Variants in C3orf49 observed in about 807,000 individuals in gnomAD.
C3orf49 encodes the protein putative uncharacterized protein C3orf49.
Under a neutral mutation model 13.3 loss-of-function variants are expected in C3orf49, and 27 were observed. That is an observed-to-expected ratio of 2.02 (90% CI 1.49 to 2.79). C3orf49 has a LOEUF of 2.79. C3orf49 is among the 30% of genes most tolerant of loss of function. C3orf49 has a pLI of 0.00. For missense variants in C3orf49, 242 were observed against 134.2 expected, an observed-to-expected ratio of 1.80 and a Z score of -3.97; for synonymous variants, 87 against 47.6, an observed-to-expected ratio of 1.83 and a Z score of -3.40.
the C3orf49 span, among the ~76,000 whole-genome samples, chr3:63,796,101 T>C: frequency 1.3e-5 from 2 of 152,178 alleles, no homozygotes; most frequent in Non-Finnish European, 2.9e-5. Flanking sequence ...GTGTTCACTC[T>C]TTCAATTTTT....
the C3orf49 span, among the ~76,000 whole-genome samples, chr3:63,807,127 A>G: frequency 1.3e-5 from 2 of 151,652 alleles, no homozygotes; most frequent in African/African-American, 2.4e-5. Context: ...AATTTTTTGT[A>G]TTTTTAGTAG....
intron 5 of C3orf49, chr3:63,838,600 T>A (rs1701685608): frequency 8.6e-7 from 1 of 1,164,178 alleles, no homozygotes; most frequent in African/African-American, 1.6e-5. Flanking sequence ...TTATAGCAAG[T>A]TCTGAGAGAA....
chr3:63,812,368 T>G, the C3orf49 span, among the ~76,000 whole-genome samples: 1 of 152,246 alleles, frequency 6.6e-6, no homozygotes, highest in Admixed American at 6.5e-5. Context: ...AAAGCCATCC[T>G]GGGTCACCTG....
At chr3:63,802,134 C>A in the C3orf49 span, among the ~76,000 whole-genome samples, 4,441 of 152,194 alleles carry the variant, frequency 0.029, 135 homozygotes, top group African/African-American at 0.072. Context: ...AATGACAGGT[C>A]GCAATTTGAA....
rs1414541651 is a variant in C3orf49 at position 63,831,755 on chromosome 3, TGTGA to T, written c.763_766del (p.Glu255PhefsTer21). The T allele has an allele frequency of 1.4e-6, 1 of 702,902 alleles. No individual in the cohort carries two copies. Among genetic ancestry groups the T allele is most frequent in the African/African-American group, 1.7e-5 (1 of 57,240 alleles). The allele number at this position is 702,902 out of a possible 1,614,324, so 43.5% of individuals were successfully genotyped here. A position where few individuals can be genotyped will look rare whatever the true frequency, so the allele number is the denominator to read the frequency against. On this transcript the variant is annotated frameshift_variant, in exon 5 of 7. Transcript: ENST00000295896. LOFTEE classifies it high-confidence loss of function. ...CCAAAGACATGCTGAGCTTCAACAGTGTGAGTTTCTGGGGGATGAAATTCTTCAG... is the reference window on the plus strand; with the variant it reads ...CCAAAGACATGCTGAGCTTCAACAGTGTTTCTGGGGGATGAAATTCTTCAG...
chr3:63,786,403 CACA>C, the C3orf49 span, among the ~76,000 whole-genome samples: 1 of 152,088 alleles, frequency 6.6e-6, no homozygotes, highest in Non-Finnish European at 1.5e-5. Flanking sequence ...GAACATTTCT[CACA>C]ACACTTCCCC....
intron 5 of C3orf49, among the ~76,000 whole-genome samples, chr3:63,844,648 C>T (rs1383333802): frequency 1.3e-5 from 2 of 152,124 alleles, no homozygotes; most frequent in Non-Finnish European, 2.9e-5. Flanking sequence ...GGTTAGTAAT[C>T]TCGGAGTGAG....
upstream of C3orf49, among the ~76,000 whole-genome samples, chr3:63,815,750 T>A (rs1374160805): frequency 1.3e-5 from 2 of 151,584 alleles, no homozygotes; most frequent in African/African-American, 4.9e-5. Context: ...TATTTGTTTG[T>A]TTTTTTCTTT....
intron 3 of C3orf49, 44 bp from the exon 4 acceptor site, chr3:63,831,066 T>C: frequency 1.5e-6 from 1 of 682,536 alleles, no homozygotes; most frequent in South Asian, 1.6e-5. Context: ...ACATAAATAA[T>C]GTTGGTAGTT....
chr3:63,803,486 A>G, the C3orf49 span, among the ~76,000 whole-genome samples: 2 of 152,202 alleles, frequency 1.3e-5, no homozygotes, highest in Non-Finnish European at 2.9e-5. Flanking sequence ...CCTGAACTCA[A>G]CCTGCAGACT....
chr3:63,794,765 C>G, the C3orf49 span, among the ~76,000 whole-genome samples: 1 of 152,266 alleles, frequency 6.6e-6, no homozygotes, highest in South Asian at 2.1e-4. Flanking sequence ...AACATCTCAG[C>G]TGCACTTGAC....
intron 5 of C3orf49, among the ~76,000 whole-genome samples, chr3:63,839,252 G>A (rs1268028869): frequency 6.6e-6 from 1 of 152,006 alleles, no homozygotes; most frequent in Non-Finnish European, 1.5e-5. Flanking sequence ...AAGTAATCGT[G>A]GTTTCTGCCA....
intron 6 of C3orf49, among the ~76,000 whole-genome samples, chr3:63,846,786 C>A (rs1234015661): frequency 1.3e-5 from 2 of 152,054 alleles, no homozygotes; most frequent in Non-Finnish European, 2.9e-5. Flanking sequence ...TAGGGAGCCC[C>A]ACATGGATGA....
At chr3:63,835,499 T>G (rs991013115) in intron 5 of C3orf49, 4 of 888,426 alleles carry the variant, frequency 4.5e-6, no homozygotes, top group Non-Finnish European at 6.9e-6. Context: ...AAAAAAGGGC[T>G]TATAAGGAGT....
upstream of C3orf49, among the ~76,000 whole-genome samples, chr3:63,818,014 A>G (rs943484654): frequency 6.6e-6 from 1 of 152,158 alleles, no homozygotes; most frequent in Non-Finnish European, 1.5e-5. Context: ...TGAGGATGCC[A>G]ACAGATGAGG....
intron 5 of C3orf49, chr3:63,839,796 T>C: frequency 6.3e-7 from 1 of 1,595,604 alleles, no homozygotes; most frequent in Non-Finnish European, 8.6e-7. Flanking sequence ...AGGGCAATGT[T>C]ACCATCTGGC....
intron 3 of C3orf49, among the ~76,000 whole-genome samples, chr3:63,830,440 T>C (rs530598462): frequency 2.4e-4 from 36 of 152,164 alleles, no homozygotes; most frequent in Non-Finnish European, 3.7e-4. Context: ...TGTGGTCCCA[T>C]ATCCTACTTT....
the C3orf49 span, among the ~76,000 whole-genome samples, chr3:63,808,141 A>C: frequency 6.6e-6 from 1 of 152,156 alleles, no homozygotes; most frequent in Non-Finnish European, 1.5e-5. Flanking sequence ...TGAGGCTAGA[A>C]GACAACTGTC....
the C3orf49 span, chr3:63,786,082 G>A: frequency 6.6e-6 from 1 of 152,076 alleles, no homozygotes; most frequent in African/African-American, 2.4e-5. Flanking sequence ...CTGTTTATTG[G>A]ACAGTAAAGA....
Sources: allele counts gnomAD v4.1 joint callset (sites outside exome capture counted in the v4.1 genomes callset), GRCh38; gene constraint gnomAD v4.1.1; transcripts MANE v1.5; gene names NCBI Gene and HGNC (gene_info 2026-07-23, HGNC 2026-07-21).